KLHDC4: variants seen among roughly 807,000 people sequenced by gnomAD.
KLHDC4 encodes the protein kelch domain-containing protein 4.
KLHDC4 carries 90 observed loss-of-function variants against 62.4 expected under a neutral mutation model. The observed-to-expected ratio is 1.44, with a 90% confidence interval of 1.22 to 1.72. KLHDC4 has a LOEUF of 1.72. KLHDC4 is among the 40% of genes most tolerant of loss of function. KLHDC4 has a pLI of 0.00. For synonymous variants in KLHDC4, 386 were observed against 284.4 expected, an observed-to-expected ratio of 1.36 and a Z score of -3.59; for missense variants, 1,025 against 699.7, an observed-to-expected ratio of 1.47 and a Z score of -5.25.
intron 1 of KLHDC4, among the ~76,000 whole-genome samples, chr16:87,762,642 G>A (rs1299911790): frequency 1.3e-5 from 2 of 152,206 alleles, no homozygotes; most frequent in African/African-American, 4.8e-5. Context: ...CACAGCAAGA[G>A]CTCAGCAAAT....
At chr16:87,711,511 C>G (rs541332487) in intron 8 of KLHDC4, 68 bp from the exon 9 acceptor site, 1 of 1,368,436 alleles carries the variant, frequency 7.3e-7, no homozygotes, top group Non-Finnish European at 9.8e-7. Context: ...GCCCAGGACA[C>G]GCTCAGGACC....
At chr16:87,746,630 G>C (rs910339836) in intron 5 of KLHDC4, among the ~76,000 whole-genome samples, 2 of 152,280 alleles carry the variant, frequency 1.3e-5, no homozygotes, top group East Asian at 3.9e-4. Flanking sequence ...TGGTTACTTA[G>C]GCCAAGGAGA....
At position 87,711,365 on chromosome 16, in the gene KLHDC4, G is replaced by C. The variant is rs530763969; in HGVS notation, c.914C>G (p.Pro305Arg). The change falls in exon 9 of 12, where the codon CCG (proline) becomes CGG (arginine). Residue 305 changes from proline (P) to arginine (R), a missense_variant. Physicochemically the swap from Pro to Arg is moderately radical, Grantham distance 103 (BLOSUM62 -2). Transcript: ENST00000270583. ...CCCGAAGAACAGTGTCTGGTGATTC[G>C]GGGCCATGGCCACGGAAAAGCCAGA... Reference protein sequence around the residue: ...PRSGFSVAMAPNHQTLFFGGV... With the variant: ...PRSGFSVAMARNHQTLFFGGV... 6.2e-7 allele frequency: 1 copy of C among 1,613,848 alleles called. No individual in the cohort carries two copies. Among genetic ancestry groups the C allele is most frequent in the East Asian group, 2.2e-5 (1 of 44,876 alleles).
At chr16:87,747,513 A>G (rs2043213684) in intron 5 of KLHDC4, 1 of 152,222 alleles carries the variant, frequency 6.6e-6, no homozygotes, top group South Asian at 2.1e-4. Flanking sequence ...CCTTTCTCAA[A>G]GCAAGCATGA....
intron 5 of KLHDC4, among the ~76,000 whole-genome samples, chr16:87,747,258 G>C (rs1402359294): frequency 1.3e-5 from 2 of 151,520 alleles, no homozygotes; most frequent in Non-Finnish European, 2.9e-5. Flanking sequence ...CTATCACAGA[G>C]ACTTCACTCT....
rs142831726 is a variant in KLHDC4, at chr16:87,722,119, G to A, written c.759+4646C>T. Among the ~76,000 whole-genome samples, 854 of 152,302 alleles carry A rather than the reference G, an allele frequency of 5.6e-3. 8 individuals are homozygous for A. Among genetic ancestry groups the A allele is most frequent in the African/African-American group, 0.019 (790 of 41,552 alleles). On this transcript the variant is annotated intron_variant, in intron 7 of 11. Transcript: ENST00000270583. ...GGTCTAAGGACTGAGTCTTTGACAC[G>A]TGAATGCTGCTGGGTCTGCTGTCCC... is the stretch of plus-strand genomic sequence containing the variant.
At chr16:87,736,337 C>T (rs1459433264) in intron 5 of KLHDC4, among the ~76,000 whole-genome samples, 1 of 152,208 alleles carries the variant, frequency 6.6e-6, no homozygotes, top group Non-Finnish European at 1.5e-5. Context: ...TATGTATGGT[C>T]CGTCGTGAAC....
At chr16:87,738,530 T>C (rs139496004) in intron 5 of KLHDC4, among the ~76,000 whole-genome samples, 27 of 152,170 alleles carry the variant, frequency 1.8e-4, no homozygotes, top group African/African-American at 6.5e-4. Context: ...AACCAAAACG[T>C]GGTCCATCCA....
At chr16:87,762,726 G>A (rs1383083690) in intron 1 of KLHDC4, among the ~76,000 whole-genome samples, 1 of 152,040 alleles carries the variant, frequency 6.6e-6, no homozygotes, top group African/African-American at 2.4e-5. Flanking sequence ...GTACTGATGT[G>A]CCAGCACAGA....
intron 4 of KLHDC4, among the ~76,000 whole-genome samples, chr16:87,750,646 G>C (rs2043786326): frequency 6.6e-6 from 1 of 152,214 alleles, no homozygotes; most frequent in African/African-American, 2.4e-5. Flanking sequence ...GCCTCGGGTG[G>C]GGCAGACAGT....
rs1230032584 is a variant in KLHDC4 at position 87,761,976 on chromosome 16, T to G, written c.164A>C (p.Glu55Ala). The G allele has an allele frequency of 6.2e-7, 1 of 1,613,784 alleles. No homozygotes were observed. Among genetic ancestry groups the G allele is most frequent in the African/African-American group, 1.3e-5 (1 of 74,896 alleles). The change falls in exon 2 of 12, where the codon GAA (glutamate) becomes GCA (alanine). Residue 55 changes from glutamate (E) to alanine (A), a missense_variant. Glu to Ala is a moderately radical substitution (Grantham distance 107). Coordinates refer to ENST00000270583, the MANE Select transcript of KLHDC4 (RefSeq NM_017566.4). ...TGGTGAGGGTGGGGGGCACGGAAGT[T>G]CCACAGTCTGAGTCCTCTTGGCATC... ...TLDAKRTQTV[E>A]LPCPPPSPRL...
At chr16:87,708,770 C>T (rs1199912233) in intron 10 of KLHDC4, among the ~76,000 whole-genome samples, 1 of 152,236 alleles carries the variant, frequency 6.6e-6, no homozygotes, top group Non-Finnish European at 1.5e-5. Flanking sequence ...AAACAGCAAA[C>T]ATCCTGTGCC....
chr16:87,758,173 G>A (rs2045290924), intron 2 of KLHDC4, among the ~76,000 whole-genome samples: 1 of 152,204 alleles, frequency 6.6e-6, no homozygotes, highest in Non-Finnish European at 1.5e-5. Context: ...CTGCAGGAAA[G>A]AAACCAGTAT....
chr16:87,708,377 C>G lies in KLHDC4; in HGVS notation c.1537G>C (p.Gly513Arg). The change falls in exon 11 of 12, where the codon GGA becomes CGA. Residue 513 changes from glycine (G) to arginine (R), a missense_variant. Physicochemically the swap from Gly to Arg is moderately radical, Grantham distance 125. Transcript: ENST00000270583. ...CAGTCCTCCGCACCGCTCTCCTCTC[C>G]GCTGTCTTCGTCGTCGACCCCACCC... ...AEGGVDDEDSGEESGAED is the reference protein window; with the variant it reads ...AEGGVDDEDSREESGAED 1 of 1,610,180 alleles carries G rather than the reference C, an allele frequency of 6.2e-7. No individual in the cohort carries two copies. Among genetic ancestry groups the G allele is most frequent in the Non-Finnish European group, 8.5e-7 (1 of 1,178,954 alleles).
chr16:87,710,321 C>T (rs1183515394), intron 9 of KLHDC4: 8 of 152,298 alleles, frequency 5.3e-5, no homozygotes, highest in Non-Finnish European at 7.3e-5. Flanking sequence ...TGCCAGCTCA[C>T]GAGGTGACAT....
At chr16:87,716,650 G>A (rs542564788) in intron 7 of KLHDC4, among the ~76,000 whole-genome samples, 1 of 152,204 alleles carries the variant, frequency 6.6e-6, no homozygotes, top group Non-Finnish European at 1.5e-5. Context: ...GAAACCAGGG[G>A]CCGGGCACGG....
chr16:87,759,123 T>C lies in KLHDC4; in HGVS notation c.192-2646A>G, dbSNP rs560714626. On this transcript the variant is annotated intron_variant, in intron 2 of 11. Transcript: ENST00000270583. The stretch of plus-strand genomic sequence containing the variant: ...GGAGGTGGAGGTTGCGGTGAGCCGA[T>C]ATCATACCATTGCACTCCAGCCTGG... Among the ~76,000 whole-genome samples, 9 of 152,200 alleles carry C rather than the reference T, an allele frequency of 5.9e-5. No homozygotes were observed. The South Asian group carries it at 1.9e-3, about 32-fold the overall frequency.
chr16:87,729,684 C>T lies in KLHDC4; in HGVS notation c.599+868G>A, dbSNP rs2039995981. Among the ~76,000 whole-genome samples the T allele has an allele frequency of 4.6e-5, 7 of 152,362 alleles. No homozygotes were observed. In the South Asian group the frequency reaches 1.4e-3, roughly 32 times the overall value. On this transcript the variant is annotated intron_variant, in intron 6 of 11. Coordinates refer to ENST00000270583, the MANE Select transcript of KLHDC4 (RefSeq NM_017566.4). ...AGCTGCACGAACACCCACGTGACAT[C>T]AAAAGAGAACCGCAGGCCTCTTCCG... is the stretch of plus-strand genomic sequence containing the variant.
chr16:87,712,099 T>C (rs2142942278), intron 8 of KLHDC4, among the ~76,000 whole-genome samples: 1 of 144,262 alleles, frequency 6.9e-6, no homozygotes, highest in Middle Eastern at 3.5e-3. Context: ...GGGGTCTGAG[T>C]GCCTGCACCA....
Sources: allele counts gnomAD v4.1 joint callset (sites outside exome capture counted in the v4.1 genomes callset), GRCh38; gene constraint gnomAD v4.1.1; transcripts MANE v1.5; gene names NCBI Gene and HGNC (gene_info 2026-07-23, HGNC 2026-07-21).